The following CABCOCO1 variants were observed in gnomAD, a reference collection of about 807,000 sequenced individuals.
The protein encoded by CABCOCO1 is ciliary associated calcium binding coiled-coil 1, also known as ciliary-associated calcium-binding coiled-coil protein 1.
In CABCOCO1, 28 loss-of-function variants were observed where a neutral mutation model predicts 35.7. That is an observed-to-expected ratio of 0.78 (90% CI 0.58 to 1.07). CABCOCO1 has a LOEUF of 1.07. CABCOCO1 is among the 50% of genes least tolerant of loss of function. The probability of loss-of-function intolerance (pLI) is 0.00; values close to 1 mark genes in which losing one functional copy is unlikely to be tolerated. For missense variants in CABCOCO1, 326 were observed against 309.2 expected, an observed-to-expected ratio of 1.05 and a Z score of -0.41; for synonymous variants, 95 against 100.1, an observed-to-expected ratio of 0.95 and a Z score of 0.30.
At chr10:61,724,660 G>C (rs1296783788) in intron 5 of CABCOCO1, among the ~76,000 whole-genome samples, 4 of 152,158 alleles carry the variant, frequency 2.6e-5, no homozygotes, top group African/African-American at 9.7e-5. Context: ...CAAAGGAAAA[G>C]ATGGATAATT....
At chr10:61,756,892 G>A (rs774532601) in intron 5 of CABCOCO1, among the ~76,000 whole-genome samples, 6 of 150,030 alleles carry the variant, frequency 4.0e-5, no homozygotes, top group Non-Finnish European at 7.4e-5. Context: ...TTAGACTTTT[G>A]AGGAAAAAAA....
At chr10:61,697,614 G>A (rs1840330239) in intron 5 of CABCOCO1, among the ~76,000 whole-genome samples, 1 of 151,966 alleles carries the variant, frequency 6.6e-6, no homozygotes, top group South Asian at 2.1e-4. Context: ...GATGTGAAAA[G>A]GGACATTTTA....
At chr10:61,672,811 G>A (rs1839400917) in intron 2 of CABCOCO1, 76 bp downstream of exon 2, 3 of 871,782 alleles carry the variant, frequency 3.4e-6, no homozygotes, top group Non-Finnish European at 4.1e-6. Context: ...GTGATTACAT[G>A]TATAAGCTTT....
At chr10:61,675,427 A>G (rs1839483885) in intron 2 of CABCOCO1, among the ~76,000 whole-genome samples, 1 of 152,170 alleles carries the variant, frequency 6.6e-6, no homozygotes, top group South Asian at 2.1e-4. Context: ...GACAAATGGT[A>G]TTAGGGAAAG....
intron 5 of CABCOCO1, 149 bp downstream of exon 5, chr10:61,690,770 T>C (rs1840114271): frequency 1.9e-6 from 1 of 533,266 alleles, no homozygotes; most frequent in Non-Finnish European, 3.3e-6. Flanking sequence ...AAAGAATAAT[T>C]ATATAAAGTG....
chr10:61,713,585 T>C (rs1840785018), intron 5 of CABCOCO1, among the ~76,000 whole-genome samples: 1 of 152,214 alleles, frequency 6.6e-6, no homozygotes, highest in Non-Finnish European at 1.5e-5. Context: ...CCTTGTCTTG[T>C]GCTGGTTTTC....
At chr10:61,689,945 A>C (rs1056690307) in intron 4 of CABCOCO1, among the ~76,000 whole-genome samples, 1 of 152,148 alleles carries the variant, frequency 6.6e-6, no homozygotes, top group Non-Finnish European at 1.5e-5. Context: ...TCTTTAGGGT[A>C]AGAACTGAAG....
intron 5 of CABCOCO1, among the ~76,000 whole-genome samples, chr10:61,756,375 A>G (rs983313140): frequency 6.6e-6 from 1 of 152,022 alleles, no homozygotes; most frequent in Admixed American, 6.6e-5. Flanking sequence ...ACATCTGTAG[A>G]TGTTATTTAT....
At chr10:61,691,413 C>T (rs1045923924) in intron 5 of CABCOCO1, among the ~76,000 whole-genome samples, 16 of 152,194 alleles carry the variant, frequency 1.1e-4, no homozygotes, top group African/African-American at 3.9e-4. Flanking sequence ...CACTTTCAAA[C>T]AAACTTACTT....
intron 5 of CABCOCO1, among the ~76,000 whole-genome samples, chr10:61,744,593 A>G (rs1366006927): frequency 6.6e-6 from 1 of 152,164 alleles, no homozygotes. Context: ...AAATAACCAC[A>G]TACAATCTCA....
intron 5 of CABCOCO1, among the ~76,000 whole-genome samples, chr10:61,727,657 T>C (rs1841190735): frequency 6.6e-6 from 1 of 152,218 alleles, no homozygotes; most frequent in Admixed American, 6.5e-5. Context: ...ATAATTGTCA[T>C]TCTATTCCTT....
At chr10:61,689,654 A>T (rs1840073806) in intron 4 of CABCOCO1, among the ~76,000 whole-genome samples, 1 of 152,166 alleles carries the variant, frequency 6.6e-6, no homozygotes, top group African/African-American at 2.4e-5. Flanking sequence ...TATTAAAATC[A>T]ATTTCCTTAA....
chr10:61,705,905 C>T (rs1840581721), intron 5 of CABCOCO1, among the ~76,000 whole-genome samples: 1 of 152,186 alleles, frequency 6.6e-6, no homozygotes, highest in Non-Finnish European at 1.5e-5. Context: ...CTGTCCGAAG[C>T]TTCCTCTGCA....
At chr10:61,735,362 T>A (rs1471567235) in intron 5 of CABCOCO1, among the ~76,000 whole-genome samples, 6 of 152,098 alleles carry the variant, frequency 3.9e-5, no homozygotes, top group African/African-American at 1.4e-4. Context: ...GATAAAGTCA[T>A]TGAGGTGAAA....
intron 5 of CABCOCO1, among the ~76,000 whole-genome samples, chr10:61,701,037 T>C (rs1840445196): frequency 6.6e-6 from 1 of 151,980 alleles, no homozygotes; most frequent in South Asian, 2.1e-4. Context: ...TTAGCAGTAG[T>C]CCTGGGTTGT....
chr10:61,680,463 A>AT (rs1390291698), intron 2 of CABCOCO1, among the ~76,000 whole-genome samples: 6,781 of 129,334 alleles, frequency 0.052, 383 homozygotes, highest in East Asian at 0.079. Flanking sequence ...TATATAACAT[A>AT]TATAATATAT....
At chr10:61,754,331 A>C (rs1480679330) in intron 5 of CABCOCO1, among the ~76,000 whole-genome samples, 7 of 152,092 alleles carry the variant, frequency 4.6e-5, no homozygotes, top group Admixed American at 4.6e-4. Context: ...TATCTGAAGG[A>C]CTGCTCTATC....
At chr10:61,756,179 C>T (rs1841893420) in intron 5 of CABCOCO1, among the ~76,000 whole-genome samples, 1 of 152,110 alleles carries the variant, frequency 6.6e-6, no homozygotes, top group African/African-American at 2.4e-5. Context: ...TAGCACAATT[C>T]AACTTAAAGC....
intron 5 of CABCOCO1, among the ~76,000 whole-genome samples, chr10:61,745,535 A>G (rs1027747379): frequency 6.6e-6 from 1 of 152,168 alleles, no homozygotes; most frequent in Non-Finnish European, 1.5e-5. Flanking sequence ...GTTTTTATGT[A>G]GTGTTACAAA....
Sources: allele counts gnomAD v4.1 joint callset (sites outside exome capture counted in the v4.1 genomes callset), GRCh38; gene constraint gnomAD v4.1.1; transcripts MANE v1.5; gene names NCBI Gene and HGNC (gene_info 2026-07-23, HGNC 2026-07-21).